The following GTF3C5 variants were observed in gnomAD, a reference collection of about 807,000 sequenced individuals.
GTF3C5 encodes the protein general transcription factor 3C polypeptide 5.
A neutral mutation model predicts 61.0 loss-of-function variants in GTF3C5; 47 were observed. The ratio of observed to expected loss-of-function variants is 0.77; its 90% CI spans 0.61 to 0.98. The LOEUF (loss-of-function observed/expected upper bound fraction) is 0.98, where lower values mean the gene tolerates loss of function less well. Ranked by LOEUF, GTF3C5 falls within the 50% of genes least tolerant of loss-of-function variation. The pLI, the probability that GTF3C5 is intolerant of heterozygous loss-of-function variation, is 0.00. For missense variants in GTF3C5, 659 were observed against 703.3 expected (o/e 0.94, Z 0.71); for synonymous variants, 295 against 275.4 (o/e 1.07, Z -0.71).
chr9:133,049,653 T>A (rs1042325665), intron 3 of GTF3C5, among the ~76,000 whole-genome samples: 2 of 152,202 alleles, frequency 1.3e-5, no homozygotes, highest in African/African-American at 2.4e-5. Context: ...TGTGTCAGTT[T>A]GGTGTCCAAC....
At chr9:133,051,058 C>G in intron 4 of GTF3C5, 80 bp downstream of exon 4, 1 of 1,151,858 alleles carries the variant, frequency 8.7e-7, no homozygotes, top group South Asian at 1.6e-5. Context: ...GCTCCCTGTT[C>G]CTGGCTGTGG....
In GTF3C5 at chr9:133,052,051, C is replaced by T; in HGVS notation, c.769-9C>T. On this transcript the variant is annotated splice_polypyrimidine_tract_variant and intron_variant, in intron 4 of 10. Coordinates refer to ENST00000372097, the MANE Select transcript of GTF3C5 (RefSeq NM_012087.4). ...TGCTCATCTCAGCCTCTGCCCTTGG[C>T]CTCCCCAGCTGTTTGACATCCGTCC... 2 of 1,533,750 alleles carry T rather than the reference C, an allele frequency of 1.3e-6. No individual in the cohort carries two copies. The highest frequency in any genetic ancestry group is 1.8e-6 in the Non-Finnish European group (2 of 1,115,750).
intron 6 of GTF3C5, 73 bp from the exon 7 acceptor site, chr9:133,054,335 C>T: frequency 9.4e-6 from 12 of 1,276,006 alleles, no homozygotes; most frequent in Non-Finnish European, 1.4e-5. Flanking sequence ...ACTCCCATCT[C>T]CAGTGTGAAG....
At chr9:133,055,447 T>A (rs1829909353) in intron 8 of GTF3C5, 1 of 1,228,266 alleles carries the variant, frequency 8.1e-7, no homozygotes, top group Non-Finnish European at 1.0e-6. Context: ...CTAGGTTTTT[T>A]AGACCTTTGC....
intron 1 of GTF3C5, among the ~76,000 whole-genome samples, chr9:133,041,468 CCTCT>C (rs143460388): frequency 0.069 from 10,545 of 152,212 alleles, 387 homozygotes; most frequent in Middle Eastern, 0.088. Context: ...TCTCTCTCTC[CCTCT>C]CTGTCTGCCT....
chr9:133,038,833 A>C (rs1849955530), intron 1 of GTF3C5, among the ~76,000 whole-genome samples: 1 of 152,046 alleles, frequency 6.6e-6, no homozygotes, highest in Non-Finnish European at 1.5e-5. Context: ...GCAACTCTGC[A>C]GCCCCACAGG....
At chr9:133,054,163 A>T (rs1291934480) in intron 6 of GTF3C5, among the ~76,000 whole-genome samples, 1 of 152,144 alleles carries the variant, frequency 6.6e-6, no homozygotes, top group Non-Finnish European at 1.5e-5. Flanking sequence ...ACAGTCCCTC[A>T]TTAAGTGACT....
intron 3 of GTF3C5, among the ~76,000 whole-genome samples, chr9:133,045,475 C>T (rs1485113703): frequency 6.6e-6 from 1 of 152,150 alleles, no homozygotes; most frequent in Non-Finnish European, 1.5e-5. Context: ...AATGGATGCT[C>T]CCCAGAAGTA....
chr9:133,049,717 C>G (rs993624405), intron 3 of GTF3C5, among the ~76,000 whole-genome samples: 2 of 152,144 alleles, frequency 1.3e-5, no homozygotes, highest in Admixed American at 1.3e-4. Context: ...TAAGGGTGTT[C>G]TGTGCCAACA....
At chr9:133,046,845 G>T (rs1044714452) in intron 3 of GTF3C5, among the ~76,000 whole-genome samples, 18 of 152,140 alleles carry the variant, frequency 1.2e-4, no homozygotes, top group Non-Finnish European at 1.5e-5. Flanking sequence ...CCAGACCAGG[G>T]GATTGGCGCA....
intron 1 of GTF3C5, among the ~76,000 whole-genome samples, chr9:133,032,933 T>C (rs1254359673): frequency 6.6e-6 from 1 of 152,180 alleles, no homozygotes. Flanking sequence ...GGGATAAAAG[T>C]ACAACATTGG....
At position 133,042,773 on chromosome 9, in the gene GTF3C5, A is replaced by C. The variant is rs533895678; in HGVS notation, c.373+467A>C. Among the ~76,000 whole-genome samples, 137 of 152,200 alleles carry C rather than the reference A, an allele frequency of 9.0e-4. 3 individuals carry two copies. Among genetic ancestry groups the C allele is most frequent in the Admixed American group, 5.2e-4 (8 of 15,280 alleles). ...AGGTTTCCCACCTACCAGGAACCCC[A>C]GTGAGGAAGCAATAAAGCAAGGGAG... On this transcript the variant is annotated intron_variant, in intron 2 of 10. Coordinates refer to ENST00000372097, the MANE Select transcript of GTF3C5 (RefSeq NM_012087.4).
chr9:133,056,889 C>A lies in GTF3C5; in HGVS notation c.1374C>A (p.Thr458=). The part of the protein sequence containing the change: ...RDTMSLMIRQ[T]IRSKRPALFS... ...CCATGTCCCTCATGATCCGGCAGAC[C>A]ATCCGCTCCAAGAGGCCTGGTAAGA... The change falls in exon 10 of 11, where the codon ACC becomes ACA. Residue 458 remains threonine (T), a synonymous_variant. Coordinates refer to ENST00000372097, the MANE Select transcript of GTF3C5 (RefSeq NM_012087.4). The A allele has an allele frequency of 6.2e-7, 1 of 1,604,910 alleles. No homozygotes were observed. The highest frequency in any genetic ancestry group is 8.5e-7 in the Non-Finnish European group (1 of 1,175,872).
At chr9:133,048,030 G>A (rs891675438) in intron 3 of GTF3C5, among the ~76,000 whole-genome samples, 1 of 152,186 alleles carries the variant, frequency 6.6e-6, no homozygotes, top group Admixed American at 6.5e-5. Context: ...TTGGGAAGTT[G>A]AGATGGGAGG....
chr9:133,052,263 C>A (rs1015849893), intron 5 of GTF3C5, 99 bp downstream of exon 5: 7 of 645,630 alleles, frequency 1.1e-5, no homozygotes, highest in African/African-American at 9.3e-5. Context: ...CAGCCAACCC[C>A]CTATCCTGGC....
chr9:133,049,376 C>T (rs1850304767), intron 3 of GTF3C5, among the ~76,000 whole-genome samples: 2 of 152,216 alleles, frequency 1.3e-5, no homozygotes, highest in Admixed American at 1.3e-4. Flanking sequence ...AAAAGAAGGC[C>T]CAGGCTCGAT....
chr9:133,054,887 G>A, intron 8 of GTF3C5, 78 bp downstream of exon 8: 1 of 1,537,796 alleles, frequency 6.5e-7, no homozygotes, highest in Non-Finnish European at 8.8e-7. Flanking sequence ...GACACCTGGG[G>A]GGCTGTGATT....
At chr9:133,053,223 T>TG in intron 5 of GTF3C5, among the ~76,000 whole-genome samples, 1 of 152,136 alleles carries the variant, frequency 6.6e-6, no homozygotes, top group Non-Finnish European at 1.5e-5. Context: ...GTAGTAACAT[T>TG]GGGCACTTAA....
At chr9:133,052,289 CCCCACCCCCATCCTGGCCCATCCTTCCTA>C (rs1341319713) in intron 5 of GTF3C5, 125 bp downstream of exon 5, 1 of 575,640 alleles carries the variant, frequency 1.7e-6, no homozygotes, top group Non-Finnish European at 3.1e-6. Context: ...ATCCTTCCTG[CCCCACCCCCATCCTGGCCCATCCTTCCTA>C]CCCACCCCTG....
Sources: gnomAD v4.1 joint callset for allele counts (sites outside exome capture counted in the v4.1 genomes callset) on GRCh38, gnomAD v4.1.1 for gene constraint, MANE v1.5 for transcripts, NCBI Gene and HGNC (gene_info 2026-07-23, HGNC 2026-07-21) for gene names.